KIF4A: variants seen among roughly 807,000 people sequenced by gnomAD.
The protein encoded by KIF4A is chromosome-associated kinesin KIF4A.
In KIF4A, 7 loss-of-function variants were observed where a neutral mutation model predicts 105.9. That is an observed-to-expected ratio of 0.07 (90% CI 0.04 to 0.12). The LOEUF (loss-of-function observed/expected upper bound fraction) is 0.12, where lower values mean the gene tolerates loss of function less well. KIF4A is among the 10% of genes least tolerant of loss of function. The pLI, the probability that KIF4A is intolerant of heterozygous loss-of-function variation, is 1.00. For synonymous variants in KIF4A, 281 were observed against 331.3 expected (o/e 0.85, Z 1.65); for missense variants, 558 against 929.2 (o/e 0.60, Z 5.19).
intron 28 of KIF4A, chrX:70,415,348 G>A (rs961626725): frequency 3.0e-5 from 8 of 270,511 alleles, no homozygotes; most frequent in East Asian, 1.5e-4. Context: ...TGTTGCTCAC[G>A]CCTGTAATCT....
chrX:70,327,636 G>C, intron 7 of KIF4A, among the ~76,000 whole-genome samples: 1 of 111,993 alleles, frequency 8.9e-6, no homozygotes, highest in South Asian at 3.8e-4. Context: ...TGATGAGTCT[G>C]TATAATAGCT....
intron 7 of KIF4A, among the ~76,000 whole-genome samples, chrX:70,304,449 A>G (rs1373704847): frequency 1.9e-5 from 2 of 105,693 alleles, no homozygotes; most frequent in Non-Finnish European, 3.9e-5. Flanking sequence ...CTTTGGGTAT[A>G]TACCCAGTAA....
intron 28 of KIF4A, among the ~76,000 whole-genome samples, chrX:70,414,875 C>T (rs2086336961): frequency 8.9e-6 from 1 of 111,732 alleles, no homozygotes; most frequent in African/African-American, 3.3e-5. Context: ...GGTCTCTTCT[C>T]ACTCTGTTCC....
intron 3 of KIF4A, among the ~76,000 whole-genome samples, chrX:70,294,990 C>T (rs933620392): frequency 4.5e-5 from 5 of 112,141 alleles, no homozygotes; most frequent in Non-Finnish European, 7.5e-5. Flanking sequence ...GGGAGGATCG[C>T]TTGGGCCTGG....
chrX:70,330,366 A>G lies in KIF4A; in HGVS notation c.1071+34A>G, dbSNP rs370860537. ...GACTTAAAGTTTGATGGGAAAAATT[A>G]CAAGTATGTGAGTGGAATGATAGAG... is the stretch of plus-strand genomic sequence containing the variant. On this transcript the variant is annotated intron_variant, in intron 9 of 30. Transcript: ENST00000374403. 1.5e-5 allele frequency: 17 copies of G among 1,130,758 alleles called. No individual in the cohort carries two copies. In the African/African-American group the frequency reaches 2.7e-4, roughly 18 times the overall value. 93.2% of individuals were successfully genotyped at this position (1,130,758 alleles called of 1,213,427 possible).
rs1260790678 is a variant in KIF4A, at chrX:70,420,860, A to G, written c.*595A>G. The G allele has an allele frequency of 2.7e-5, 3 of 111,651 alleles. No individual in the cohort carries two copies. Among genetic ancestry groups the G allele is most frequent in the Non-Finnish European group, 5.7e-5 (3 of 53,050 alleles). The allele number at this position is 111,651 out of a possible 1,213,427, so 9.2% of individuals were successfully genotyped here. A position where few individuals can be genotyped will look rare whatever the true frequency, so the allele number is the denominator to read the frequency against. On this transcript the variant is annotated 3_prime_UTR_variant, in exon 31 of 31. Transcript: ENST00000374403. Reference sequence around the variant, plus strand: ...GAAGATCCTTCTGTGCTAGAGGGAGAAATAAAATTTCAACCTGTGTTCCTC... The same window carrying G: ...GAAGATCCTTCTGTGCTAGAGGGAGGAATAAAATTTCAACCTGTGTTCCTC...
chrX:70,347,569 G>A (rs1352069538), intron 13 of KIF4A, among the ~76,000 whole-genome samples: 1 of 111,965 alleles, frequency 8.9e-6, no homozygotes, highest in African/African-American at 3.2e-5. Context: ...CCAAAGGCCA[G>A]TGTTTTAGGC....
At chrX:70,382,722 G>T (rs1200280230) in intron 18 of KIF4A, among the ~76,000 whole-genome samples, 2 of 109,483 alleles carry the variant, frequency 1.8e-5, no homozygotes, top group Non-Finnish European at 3.8e-5. Context: ...GGAGGCCAAG[G>T]TGGGAGGATT....
At chrX:70,310,070 A>G (rs1259957603) in intron 7 of KIF4A, among the ~76,000 whole-genome samples, 1 of 111,998 alleles carries the variant, frequency 8.9e-6, no homozygotes, top group East Asian at 2.8e-4. Context: ...ATTTATATAC[A>G]GTAAAATGCG....
At chrX:70,296,886 T>C in intron 3 of KIF4A, 112 bp from the exon 4 acceptor site, 1 of 840,581 alleles carries the variant, frequency 1.2e-6, no homozygotes, top group Non-Finnish European at 1.7e-6. Flanking sequence ...TAAGAGACTG[T>C]ATTAAGAGAG....
intron 10 of KIF4A, among the ~76,000 whole-genome samples, chrX:70,340,438 C>G (rs914415616): frequency 9.0e-6 from 1 of 111,686 alleles, no homozygotes; most frequent in African/African-American, 3.2e-5. Flanking sequence ...TAGAGAAATC[C>G]TGGAAATTTT....
intron 29 of KIF4A, among the ~76,000 whole-genome samples, chrX:70,418,806 C>T (rs756895544): frequency 2.7e-5 from 3 of 111,951 alleles, no homozygotes; most frequent in South Asian, 3.7e-4. Flanking sequence ...GACCTCTGGC[C>T]GGGCACGGTG....
intron 18 of KIF4A, among the ~76,000 whole-genome samples, chrX:70,377,142 A>T (rs1293523186): frequency 9.0e-6 from 1 of 111,239 alleles, no homozygotes; most frequent in African/African-American, 3.3e-5. Context: ...GTGCAATCAT[A>T]GCTCACTGTA....
intron 7 of KIF4A, among the ~76,000 whole-genome samples, chrX:70,304,509 C>T (rs756710532): frequency 6.5e-4 from 71 of 109,599 alleles, no homozygotes; most frequent in African/African-American, 1.6e-3. Flanking sequence ...CCTGAGGAAT[C>T]GCCACACTGA....
chrX:70,309,404 T>C (rs749386927), intron 7 of KIF4A, among the ~76,000 whole-genome samples: 1 of 112,224 alleles, frequency 8.9e-6, no homozygotes, highest in African/African-American at 3.2e-5. Context: ...GTTGTTTATA[T>C]ATTCTGGATA....
chrX:70,378,189 A>C (rs2147724347), intron 18 of KIF4A, among the ~76,000 whole-genome samples: 1 of 111,745 alleles, frequency 8.9e-6, no homozygotes, highest in South Asian at 3.7e-4. Context: ...TTATAGTTGT[A>C]AATGCCTATA....
chrX:70,341,307 A>T (rs2085971515), intron 10 of KIF4A, among the ~76,000 whole-genome samples: 1 of 111,592 alleles, frequency 9.0e-6, no homozygotes, highest in Non-Finnish European at 1.9e-5. Context: ...TTTACAATAA[A>T]TGGGAAATAT....
At chrX:70,324,726 T>A (rs1324927423) in intron 7 of KIF4A, among the ~76,000 whole-genome samples, 2 of 112,112 alleles carry the variant, frequency 1.8e-5, no homozygotes, top group African/African-American at 6.5e-5. Flanking sequence ...AAAGGGTTTT[T>A]TAAACACCAA....
chrX:70,345,405 A>C (rs2085988287), intron 13 of KIF4A, among the ~76,000 whole-genome samples: 1 of 108,111 alleles, frequency 9.2e-6, no homozygotes, highest in African/African-American at 3.4e-5. Context: ...TGGAGGTTGC[A>C]GTGAGCCGAG....
Sources: allele counts gnomAD v4.1 joint callset (sites outside exome capture counted in the v4.1 genomes callset), GRCh38; gene constraint gnomAD v4.1.1; transcripts MANE v1.5; gene names NCBI Gene and HGNC (gene_info 2026-07-23, HGNC 2026-07-21).